APOC1: variants seen among roughly 807,000 people sequenced by gnomAD.
APOC1 encodes apolipoprotein C1, also known as apolipoprotein C-I.
Under a neutral mutation model 6.7 loss-of-function variants are expected in APOC1, and 4 were observed. The ratio of observed to expected loss-of-function variants is 0.60; its 90% CI spans 0.29 to 1.37. APOC1 has a LOEUF of 1.37. Ranked by LOEUF, APOC1 falls within the 40% of genes most tolerant of loss-of-function variation. The pLI is 0.09. For missense variants in APOC1, 122 were observed against 99.4 expected (o/e 1.23, Z -0.97); for synonymous variants, 33 against 40.6 (o/e 0.81, Z 0.72).
chr19:44,916,486 G>A, intron 3 of APOC1, 161 bp downstream of exon 3: 2 of 964,562 alleles, frequency 2.1e-6, no homozygotes, highest in South Asian at 3.3e-5. Context: ...CAGACTTCAA[G>A]GACAGTTTCC....
intron 3 of APOC1, 97 bp from the exon 4 acceptor site, chr19:44,919,076 T>A (rs188597659): frequency 1.9e-5 from 21 of 1,086,604 alleles, no homozygotes; most frequent in African/African-American, 1.1e-4. Context: ...ATGGAGATTC[T>A]GCAAGGGGAA....
intron 3 of APOC1, among the ~76,000 whole-genome samples, chr19:44,917,866 C>T (rs1209633414): frequency 6.6e-6 from 1 of 151,778 alleles, no homozygotes; most frequent in Non-Finnish European, 1.5e-5. Context: ...CCTAGCTACT[C>T]GGGAGCCTGA....
In APOC1 at chr19:44,914,916, G is replaced by A. The variant is rs1301594402; in HGVS notation, c.25G>A (p.Val9Ile). The change falls in exon 2 of 4, where the codon GTC becomes ATC. Residue 9 changes from valine (V) to isoleucine (I), a missense_variant. Val to Ile is a conservative substitution (Grantham distance 29). Coordinates refer to ENST00000592535, the MANE Select transcript of APOC1 (RefSeq NM_001645.5). ...CATGAGGCTCTTCCTGTCGCTCCCG[G>A]TCCTGGTGGTGGTTCTGTCGATCGT... is the stretch of plus-strand genomic sequence containing the variant. MRLFLSLPVLVVVLSIVLE... is the reference protein window; with the variant it reads MRLFLSLPILVVVLSIVLE... The A allele has an allele frequency of 6.2e-7, 1 of 1,613,730 alleles. No homozygotes were observed. Among genetic ancestry groups the A allele is most frequent in the African/African-American group, 1.3e-5 (1 of 74,906 alleles).
intron 1 of APOC1, 40 bp downstream of exon 1, chr19:44,914,773 C>A: frequency 9.4e-7 from 1 of 1,062,160 alleles, no homozygotes; most frequent in Non-Finnish European, 1.4e-6. Flanking sequence ...CGCCTACACT[C>A]TGCAAGAAAC....
intron 3 of APOC1, among the ~76,000 whole-genome samples, chr19:44,918,545 A>G (rs917890250): frequency 6.6e-6 from 1 of 151,448 alleles, no homozygotes; most frequent in Non-Finnish European, 1.5e-5. Context: ...TATTCTTAGT[A>G]GAATGTAGAA....
chr19:44,915,012 C>G, intron 2 of APOC1, 63 bp downstream of exon 2: 1 of 1,507,082 alleles, frequency 6.6e-7, no homozygotes, highest in Non-Finnish European at 9.2e-7. Flanking sequence ...GGCTACAGGC[C>G]TGGGGTCCCG....
At chr19:44,917,831 G>A (rs898478335) in intron 3 of APOC1, among the ~76,000 whole-genome samples, 10 of 151,950 alleles carry the variant, frequency 6.6e-5, no homozygotes, top group African/African-American at 2.4e-4. Flanking sequence ...AAAATTAGCC[G>A]GGCGTGGTGG....
intron 3 of APOC1, among the ~76,000 whole-genome samples, chr19:44,917,295 G>C (rs961967250): frequency 6.6e-6 from 1 of 151,872 alleles, no homozygotes; most frequent in South Asian, 2.1e-4. Flanking sequence ...TCAATGTGGG[G>C]AATAAAACAG....
intron 3 of APOC1, chr19:44,916,538 C>A: frequency 3.0e-6 from 2 of 657,384 alleles, no homozygotes; most frequent in Non-Finnish European, 4.9e-6. Context: ...TGGTCTTGGG[C>A]TGGGCACGGT....
intron 2 of APOC1, 120 bp downstream of exon 2, chr19:44,915,069 T>TG (rs1376805329): frequency 3.6e-6 from 4 of 1,098,946 alleles, no homozygotes; most frequent in South Asian, 2.7e-5. Context: ...GGGTCGTGGT[T>TG]GCCTCATCGT....
At chr19:44,916,674 G>A (rs1385469471) in intron 3 of APOC1, among the ~76,000 whole-genome samples, 1 of 151,600 alleles carries the variant, frequency 6.6e-6, no homozygotes, top group Non-Finnish European at 1.5e-5. Flanking sequence ...AAAAAAATTA[G>A]GCAGGCATGG....
In APOC1 at chr19:44,919,281, C is replaced by CA; in HGVS notation, c.*52dup. 1 of 1,546,616 alleles carries CA rather than the reference C, an allele frequency of 6.5e-7. No individual in the cohort carries two copies. ...GGGGCCTCTGAAATTTCCCACACCC[C>CA]AGCGCCTGTGCTGAGGACTCCCTCC... On this transcript the variant is annotated 3_prime_UTR_variant, in exon 4 of 4. Transcript: ENST00000592535.
rs402204 is a variant in APOC1 at position 44,914,872 on chromosome 19, A to T, written c.-20A>T. 3.1e-6 allele frequency: 5 copies of T among 1,613,578 alleles called. No individual in the cohort carries two copies. The highest frequency in any genetic ancestry group is 4.2e-6 in the Non-Finnish European group (5 of 1,179,818). On this transcript the variant is annotated splice_region_variant and 5_prime_UTR_variant, in exon 2 of 4. Coordinates refer to ENST00000592535, the MANE Select transcript of APOC1 (RefSeq NM_001645.5). The stretch of plus-strand genomic sequence containing the variant: ...CCTGAACCCCTGCCTCTGCCTCCAG[A>T]GTGCCCCTCCGGCCTCGCCATGAGG...
chr19:44,916,058 AC>A (rs1278643650), intron 2 of APOC1, 131 bp from the exon 3 acceptor site: 1 of 1,040,550 alleles, frequency 9.6e-7, no homozygotes, highest in Non-Finnish European at 1.3e-6. Context: ...AACTGCTTGA[AC>A]CCGGGAGGTG....
At chr19:44,916,761 A>G (rs1304262559) in intron 3 of APOC1, among the ~76,000 whole-genome samples, 2 of 140,940 alleles carry the variant, frequency 1.4e-5, no homozygotes, top group African/African-American at 5.2e-5. Flanking sequence ...TGGGAGTTAC[A>G]GTGAGCCAAC....
chr19:44,914,864 G>C lies in APOC1; in HGVS notation c.-20-8G>C. 6.2e-7 allele frequency: 1 copy of C among 1,612,924 alleles called. No homozygotes were observed. Among genetic ancestry groups the C allele is most frequent in the East Asian group, 2.2e-5 (1 of 44,876 alleles). ...ACTGATCCCCTGAACCCCTGCCTCTGCCTCCAGAGTGCCCCTCCGGCCTCG... is the reference window on the plus strand; with the variant it reads ...ACTGATCCCCTGAACCCCTGCCTCTCCCTCCAGAGTGCCCCTCCGGCCTCG... On this transcript the variant is annotated splice_region_variant and splice_polypyrimidine_tract_variant and intron_variant, in intron 1 of 3. Transcript: ENST00000592535.
At chr19:44,916,757 T>G in intron 3 of APOC1, among the ~76,000 whole-genome samples, 1 of 136,742 alleles carries the variant, frequency 7.3e-6, no homozygotes, top group Non-Finnish European at 1.5e-5. Context: ...AAGGTGGGAG[T>G]TACAGTGAGC....
At chr19:44,915,227 G>A (rs1969983004) in intron 2 of APOC1, 3 of 521,658 alleles carry the variant, frequency 5.8e-6, no homozygotes, top group Non-Finnish European at 1.0e-5. Context: ...GGTAAGCTGG[G>A]TGGGGGGCTC....
In APOC1 at chr19:44,916,963, C is replaced by T. The variant is rs867498907; in HGVS notation, c.194+638C>T. 7.0e-4 allele frequency among the ~76,000 whole-genome samples: 105 copies of T among 150,064 alleles called. No homozygotes were observed. The Middle Eastern group carries it at 0.035, about 50-fold the overall frequency. On this transcript the variant is annotated intron_variant, in intron 3 of 3. Transcript: ENST00000592535. ...TGACCAACATGGCGAGATCCTGTCT[C>T]CATTTAAAAAAAAAAAAAAAAAGAT...
Sources: gnomAD v4.1 joint callset for allele counts (sites outside exome capture counted in the v4.1 genomes callset) on GRCh38, gnomAD v4.1.1 for gene constraint, MANE v1.5 for transcripts, NCBI Gene and HGNC (gene_info 2026-07-23, HGNC 2026-07-21) for gene names.